Variants in DOCK4 observed in about 807,000 individuals in gnomAD.
The protein encoded by DOCK4 is dedicator of cytokinesis 4.
In DOCK4, 97 loss-of-function variants were observed where a neutral mutation model predicts 268.1. That is an observed-to-expected ratio of 0.36 (90% CI 0.31 to 0.43). The LOEUF (loss-of-function observed/expected upper bound fraction) is 0.43, where lower values mean the gene tolerates loss of function less well. Among genes scored for constraint, DOCK4 ranks in the 20% least tolerant of loss-of-function variants. DOCK4 has a pLI of 1.00. For missense variants in DOCK4, 2,145 were observed against 2,455.7 expected (o/e 0.87, Z 2.67); for synonymous variants, 954 against 887.2 (o/e 1.08, Z -1.34).
At chr7:111,744,129 G>A (rs1796112428) in intron 44 of DOCK4, among the ~76,000 whole-genome samples, 1 of 152,170 alleles carries the variant, frequency 6.6e-6, no homozygotes, top group Admixed American at 6.5e-5. Context: ...AAATGGCCAG[G>A]CTTTCTATTG....
Position 111,727,294 on chromosome 7 carries a change from A to G in DOCK4, c.*980T>C, listed in dbSNP as rs923518872. On this transcript the variant is annotated 3_prime_UTR_variant, in exon 53 of 53. Transcript: ENST00000428084. ...ATTTTTTATTTTGTGCAGGACTGAA[A>G]GTTAATGCCCTTGCCTTTTATAAGT... 2 of 152,640 alleles carry G rather than the reference A, an allele frequency of 1.3e-5. No homozygotes were observed. The highest frequency in any genetic ancestry group is 3.9e-4 in the East Asian group (2 of 5,188). The allele number at this position is 152,640 out of a possible 1,614,324, so 9.5% of individuals were successfully genotyped here.
intron 7 of DOCK4, among the ~76,000 whole-genome samples, chr7:111,983,862 G>GCGCGCGCGCGCACACA: frequency 7.2e-6 from 1 of 138,562 alleles, no homozygotes; most frequent in African/African-American, 2.8e-5. Flanking sequence ...GCGCGCGCGC[G>GCGCGCGCGCGCACACA]CACACACACA....
intron 8 of DOCK4, among the ~76,000 whole-genome samples, chr7:111,951,210 T>C (rs1055039085): frequency 6.6e-6 from 1 of 152,182 alleles, no homozygotes; most frequent in African/African-American, 2.4e-5. Flanking sequence ...AATAAGAACA[T>C]AAATAAGCAT....
chr7:112,133,728 T>A (rs1814036782), intron 1 of DOCK4, among the ~76,000 whole-genome samples: 1 of 152,078 alleles, frequency 6.6e-6, no homozygotes, highest in Admixed American at 6.6e-5. Flanking sequence ...TCAAAAAAAA[T>A]ACGTAAATAG....
intron 26 of DOCK4, among the ~76,000 whole-genome samples, chr7:111,827,659 GA>G (rs941920658): frequency 6.6e-6 from 1 of 151,502 alleles, no homozygotes; most frequent in African/African-American, 2.4e-5. Flanking sequence ...ATTACAGATA[GA>G]AAAAAAATGA....
chr7:111,792,042 G>A (rs1383118888), intron 30 of DOCK4, among the ~76,000 whole-genome samples: 3 of 152,246 alleles, frequency 2.0e-5, no homozygotes, highest in Admixed American at 6.5e-5. Context: ...CAGAGGAAAG[G>A]AAGGTGGGGA....
intron 21 of DOCK4, among the ~76,000 whole-genome samples, chr7:111,869,135 C>T (rs73422414): frequency 2.6e-5 from 4 of 152,124 alleles, no homozygotes; most frequent in African/African-American, 7.2e-5. Flanking sequence ...CCACAAGACC[C>T]GGTAAAGCCT....
chr7:111,924,594 C>T (rs1483679670), intron 12 of DOCK4, among the ~76,000 whole-genome samples: 3 of 152,144 alleles, frequency 2.0e-5, no homozygotes, highest in Non-Finnish European at 1.5e-5. Flanking sequence ...TTGCTGTCTA[C>T]ACTTAGGAAG....
intron 4 of DOCK4, among the ~76,000 whole-genome samples, chr7:111,994,491 C>T (rs1360491289): frequency 1.3e-5 from 2 of 152,168 alleles, no homozygotes; most frequent in Non-Finnish European, 2.9e-5. Context: ...GGGTTGCACT[C>T]CAGTACCAGT....
intron 1 of DOCK4, among the ~76,000 whole-genome samples, chr7:112,081,754 G>A (rs1358967596): frequency 6.6e-6 from 1 of 152,184 alleles, no homozygotes; most frequent in African/African-American, 2.4e-5. Flanking sequence ...TTTATTTGTA[G>A]CTGTTCTCTT....
intron 1 of DOCK4, among the ~76,000 whole-genome samples, chr7:112,143,320 T>A (rs1169400321): frequency 6.6e-6 from 1 of 152,084 alleles, no homozygotes; most frequent in East Asian, 1.9e-4. Flanking sequence ...AAAACTGCCA[T>A]ATGAAACTGG....
intron 12 of DOCK4, among the ~76,000 whole-genome samples, chr7:111,933,767 G>A (rs1322953850): frequency 6.6e-6 from 1 of 152,112 alleles, no homozygotes; most frequent in Non-Finnish European, 1.5e-5. Flanking sequence ...CCAAAGCAAA[G>A]GGCCATCTGC....
At position 112,085,659 on chromosome 7, in the gene DOCK4, A is replaced by T. The variant is rs73715417; in HGVS notation, c.38-81528T>A. Among the ~76,000 whole-genome samples the T allele has an allele frequency of 8.6e-3, 1,303 of 152,286 alleles. 14 individuals are homozygous for T. The highest frequency in any genetic ancestry group is 0.029 in the African/African-American group (1,203 of 41,566). The stretch of plus-strand genomic sequence containing the variant: ...TGACAGAATCACAATGAGAAAACTA[A>T]GATTTTCCTAATTCCTAAGATAAAT... On this transcript the variant is annotated intron_variant, in intron 1 of 52. Coordinates refer to ENST00000428084, the MANE Select transcript of DOCK4 (RefSeq NM_001363540.2).
At chr7:111,934,630 C>T (rs1437942670) in intron 12 of DOCK4, among the ~76,000 whole-genome samples, 5 of 148,890 alleles carry the variant, frequency 3.4e-5, no homozygotes, top group East Asian at 2.0e-4. Context: ...TCCAGGTTCA[C>T]GCCATTCTCC....
Position 111,973,158 on chromosome 7 carries a change from T to C in DOCK4, c.701+3974A>G, listed in dbSNP as rs1371348832. Among the ~76,000 whole-genome samples, 64 of 31,498 alleles carry C rather than the reference T, an allele frequency of 2.0e-3. 1 individual carries two copies. The East Asian group carries it at 0.027, about 13-fold the overall frequency. 20.7% of individuals were successfully genotyped at this position (31,498 alleles called of 152,430 possible). A position where few individuals can be genotyped will look rare whatever the true frequency, so the allele number is the denominator to read the frequency against. On this transcript the variant is annotated intron_variant, in intron 8 of 52. Coordinates refer to ENST00000428084, the MANE Select transcript of DOCK4 (RefSeq NM_001363540.2). ...TATGGCTGACTAGTATTCCATGGCA[T>C]ATATATATATATATATATATATATA...
chr7:111,846,768 T>A (rs781228279), intron 24 of DOCK4, among the ~76,000 whole-genome samples: 2 of 152,216 alleles, frequency 1.3e-5, no homozygotes, highest in South Asian at 4.1e-4. Flanking sequence ...TCACTCAGTA[T>A]GCAGTTCTTC....
chr7:112,055,781 G>A (rs919678826), intron 1 of DOCK4, among the ~76,000 whole-genome samples: 10 of 151,770 alleles, frequency 6.6e-5, no homozygotes, highest in Admixed American at 4.6e-4. Flanking sequence ...GGTGGTGGGC[G>A]CCTGTAAACC....
intron 1 of DOCK4, among the ~76,000 whole-genome samples, chr7:112,205,785 A>ACG (rs1376803978): frequency 2.0e-5 from 3 of 151,888 alleles, no homozygotes; most frequent in Non-Finnish European, 4.4e-5. Flanking sequence ...ACACACACAC[A>ACG]CACACACACA....
chr7:111,934,838 C>T (rs961394556), intron 12 of DOCK4, among the ~76,000 whole-genome samples: 1 of 148,744 alleles, frequency 6.7e-6, no homozygotes, highest in Non-Finnish European at 1.5e-5. Flanking sequence ...TGCGCCCGGC[C>T]GCGAAGCATG....
Sources: allele counts gnomAD v4.1 joint callset (sites outside exome capture counted in the v4.1 genomes callset), GRCh38; gene constraint gnomAD v4.1.1; transcripts MANE v1.5; gene names NCBI Gene and HGNC (gene_info 2026-07-23, HGNC 2026-07-21).